HDX: variants seen among roughly 807,000 people sequenced by gnomAD.
The protein encoded by HDX is chromosome X open reading frame 43.
A neutral mutation model predicts 45.2 loss-of-function variants in HDX; 19 were observed. The observed-to-expected ratio is 0.42, with a 90% CI of 0.29 to 0.62. The LOEUF (loss-of-function observed/expected upper bound fraction) is 0.62, where lower values mean the gene tolerates loss of function less well. HDX is among the 20% of genes least tolerant of loss of function. The pLI is 0.20. For synonymous variants in HDX, 188 were observed against 172.8 expected, an observed-to-expected ratio of 1.09 and a Z score of -0.69; for missense variants, 532 against 493.9, an observed-to-expected ratio of 1.08 and a Z score of -0.73.
chrX:84,462,612 A>G (rs775677955), intron 4 of HDX, among the ~76,000 whole-genome samples: 1 of 111,676 alleles, frequency 9.0e-6, no homozygotes, highest in Admixed American at 9.5e-5. Context: ...ATACTAAAGA[A>G]AACAAAACCC....
intron 9 of HDX, among the ~76,000 whole-genome samples, chrX:84,333,058 C>G (rs974431876): frequency 3.6e-5 from 4 of 111,518 alleles, no homozygotes; most frequent in African/African-American, 1.3e-4. Context: ...ATAACAAGAA[C>G]TTTTGTGTAT....
At chrX:84,442,533 G>C (rs1569344955) in intron 4 of HDX, among the ~76,000 whole-genome samples, 2 of 111,080 alleles carry the variant, frequency 1.8e-5, no homozygotes, top group Non-Finnish European at 1.9e-5. Context: ...GAATGCTAGG[G>C]GTTAATGAGA....
At chrX:84,485,265 A>G (rs2040767217) in intron 2 of HDX, among the ~76,000 whole-genome samples, 1 of 111,901 alleles carries the variant, frequency 8.9e-6, no homozygotes, top group African/African-American at 3.3e-5. Flanking sequence ...ATGTTGTTTG[A>G]TAGTATTTTT....
intron 5 of HDX, among the ~76,000 whole-genome samples, chrX:84,417,329 G>A (rs1400847131): frequency 8.9e-6 from 1 of 111,765 alleles, no homozygotes; most frequent in Non-Finnish European, 1.9e-5. Context: ...TTTATGAGCT[G>A]TCCAGAATTC....
chrX:84,352,190 C>T (rs1020532940), intron 6 of HDX, among the ~76,000 whole-genome samples: 2 of 111,948 alleles, frequency 1.8e-5, no homozygotes, highest in African/African-American at 6.5e-5. Flanking sequence ...ATATGCAGGG[C>T]AAAACAGAAG....
intron 5 of HDX, among the ~76,000 whole-genome samples, chrX:84,394,614 T>C (rs1245623345): frequency 9.0e-6 from 1 of 111,498 alleles, no homozygotes; most frequent in Non-Finnish European, 1.9e-5. Flanking sequence ...CCAGTTATTA[T>C]TGTATTGGAG....
chrX:84,399,926 G>C (rs879064118), intron 5 of HDX, among the ~76,000 whole-genome samples: 3 of 111,420 alleles, frequency 2.7e-5, no homozygotes, highest in African/African-American at 9.8e-5. Flanking sequence ...ATCAATACAT[G>C]TTATCCATTA....
intron 9 of HDX, among the ~76,000 whole-genome samples, chrX:84,331,237 A>G (rs1402286374): frequency 9.0e-6 from 1 of 111,492 alleles, no homozygotes; most frequent in Non-Finnish European, 1.9e-5. Context: ...CTAGTGATGT[A>G]TCTCAGTCAA....
intron 4 of HDX, among the ~76,000 whole-genome samples, chrX:84,462,683 AAATT>A (rs1459109919): frequency 8.6e-4 from 95 of 111,031 alleles, no homozygotes; most frequent in Middle Eastern, 9.2e-3. Flanking sequence ...TATTAATAAA[AAATT>A]AAGAATTTTT....
At chrX:84,411,454 G>A (rs1014934697) in intron 5 of HDX, among the ~76,000 whole-genome samples, 2 of 111,581 alleles carry the variant, frequency 1.8e-5, no homozygotes, top group South Asian at 3.7e-4. Context: ...CTTAATTTCT[G>A]TATAATTGTA....
chrX:84,418,734 C>G (rs754384752), intron 5 of HDX, among the ~76,000 whole-genome samples: 1 of 111,170 alleles, frequency 9.0e-6, no homozygotes, highest in African/African-American at 3.3e-5. Flanking sequence ...CAAAACTAAG[C>G]TAAGACACAA....
chrX:84,364,359 T>C, intron 5 of HDX, among the ~76,000 whole-genome samples: 1 of 110,581 alleles, frequency 9.0e-6, no homozygotes, highest in Non-Finnish European at 1.9e-5. Context: ...CAAAAACAGA[T>C]ATGCCTCAGT....
At chrX:84,482,166 T>A (rs779903136) in intron 2 of HDX, among the ~76,000 whole-genome samples, 8 of 111,853 alleles carry the variant, frequency 7.2e-5, no homozygotes, top group Non-Finnish European at 1.5e-4. Flanking sequence ...CGAATAGAGC[T>A]GAAATAAATA....
chrX:84,356,614 C>CTTTTTTT (rs59321751), intron 6 of HDX, among the ~76,000 whole-genome samples: 2 of 39,489 alleles, frequency 5.1e-5, no homozygotes, highest in African/African-American at 2.2e-4. Context: ...CTGTGGATAT[C>CTTTTTTT]TTTTTTTTTT....
intron 5 of HDX, among the ~76,000 whole-genome samples, chrX:84,368,384 T>G (rs1307485374): frequency 1.8e-5 from 2 of 111,797 alleles, no homozygotes; most frequent in Non-Finnish European, 3.8e-5. Context: ...TTTTACAACT[T>G]TAAATTGTGT....
intron 5 of HDX, among the ~76,000 whole-genome samples, chrX:84,425,220 G>A (rs2039358088): frequency 8.9e-6 from 1 of 111,822 alleles, no homozygotes; most frequent in South Asian, 3.7e-4. Context: ...AAATGTGCTC[G>A]ACATTACTAA....
At chrX:84,322,087 G>C in intron 10 of HDX, 73 bp from the exon 11 acceptor site, 1 of 607,280 alleles carries the variant, frequency 1.6e-6, no homozygotes, top group Non-Finnish European at 2.4e-6. Context: ...AATAGTTGTA[G>C]TCCTCCCATG....
intron 7 of HDX, among the ~76,000 whole-genome samples, chrX:84,339,510 C>G (rs1308247199): frequency 2.7e-5 from 3 of 111,484 alleles, no homozygotes; most frequent in Admixed American, 9.6e-5. Context: ...AAAATTAAAA[C>G]TATATTGAGG....
chrX:84,328,720 G>A (rs1351451919), intron 9 of HDX, among the ~76,000 whole-genome samples: 1 of 111,631 alleles, frequency 9.0e-6, no homozygotes, highest in Non-Finnish European at 1.9e-5. Context: ...AGTACCAAGT[G>A]CTGACAAGAA....
Sources: allele counts gnomAD v4.1 joint callset (sites outside exome capture counted in the v4.1 genomes callset), GRCh38; gene constraint gnomAD v4.1.1; transcripts MANE v1.5; gene names NCBI Gene and HGNC (gene_info 2026-07-23, HGNC 2026-07-21).